SRPK1: variants seen among roughly 807,000 people sequenced by gnomAD.
SRPK1 encodes the protein SFRS protein kinase 1.
SRPK1 carries 52 observed loss-of-function variants against 89.5 expected under a neutral mutation model. The ratio of observed to expected loss-of-function variants is 0.58; its 90% CI spans 0.46 to 0.73. The LOEUF (loss-of-function observed/expected upper bound fraction) is 0.73. Among genes scored for constraint, SRPK1 ranks in the 30% least tolerant of loss-of-function variants. SRPK1 has a pLI of 0.00. For synonymous variants in SRPK1, 255 were observed against 270.2 expected (o/e 0.94, Z 0.55); for missense variants, 603 against 780.6 (o/e 0.77, Z 2.71).
chr6:35,856,497 T>G (rs1769669317), intron 13 of SRPK1, among the ~76,000 whole-genome samples: 1 of 152,166 alleles, frequency 6.6e-6, no homozygotes, highest in Admixed American at 6.6e-5. Flanking sequence ...ACCATGCTCT[T>G]AACCTATGAA....
At chr6:35,850,995 G>A (rs1212587527) in intron 13 of SRPK1, among the ~76,000 whole-genome samples, 1 of 152,086 alleles carries the variant, frequency 6.6e-6, no homozygotes, top group Non-Finnish European at 1.5e-5. Flanking sequence ...TTAAAACGGG[G>A]AAGTAATATG....
In SRPK1 at chr6:35,915,659, T is replaced by C. The variant is rs139337140; in HGVS notation, c.74+4809A>G. Among the ~76,000 whole-genome samples, 15 of 152,040 alleles carry C rather than the reference T, an allele frequency of 9.9e-5. No homozygotes were observed. In the East Asian group the frequency reaches 2.7e-3, roughly 28 times the overall value. The stretch of plus-strand genomic sequence containing the variant: ...GTTAACTAGGGAAAAGTATGCCCAG[T>C]GATTCCATTTTTGTCTTTAAAGGTA... On this transcript the variant is annotated intron_variant, in intron 2 of 15. Transcript: ENST00000373825.
intron 6 of SRPK1, among the ~76,000 whole-genome samples, chr6:35,880,244 G>C (rs1037547774): frequency 6.6e-6 from 1 of 151,948 alleles, no homozygotes; most frequent in African/African-American, 2.4e-5. Flanking sequence ...AAATTAACTA[G>C]AGGGATTCAA....
At chr6:35,887,952 G>A in intron 5 of SRPK1, 72 bp downstream of exon 5, 1 of 1,084,174 alleles carries the variant, frequency 9.2e-7, no homozygotes, top group Non-Finnish European at 1.3e-6. Context: ...GCCTCCACTT[G>A]GTGTGTTTTT....
intron 15 of SRPK1, among the ~76,000 whole-genome samples, chr6:35,836,524 G>C (rs896754173): frequency 6.6e-6 from 1 of 151,996 alleles, no homozygotes; most frequent in African/African-American, 2.4e-5. Context: ...AGGCTGAGTC[G>C]GGTGGATCAC....
rs1227349611 is a variant in SRPK1 at position 35,872,610 on chromosome 6, G to A, written c.704C>T (p.Ala235Val). Reference protein sequence around the residue: ...EQYIRRLAAEATEWQRSGAPP... With the variant: ...EQYIRRLAAEVTEWQRSGAPP... Reference sequence around the variant, plus strand: ...AGCTCCAGATCGCTGCCATTCTGTTGCTTCTGCAGCCAGCCTCCGAATGTA... The same window carrying A: ...AGCTCCAGATCGCTGCCATTCTGTTACTTCTGCAGCCAGCCTCCGAATGTA... The change falls in exon 8 of 16, where the codon GCA becomes GTA. Residue 235 changes from alanine (A) to valine (V), a missense_variant. By Grantham distance (64) the Ala-to-Val change is moderately conservative (BLOSUM62 0). Coordinates refer to ENST00000373825, the MANE Select transcript of SRPK1 (RefSeq NM_003137.5). The A allele has an allele frequency of 1.2e-6, 2 of 1,612,080 alleles. No homozygotes were observed. Among genetic ancestry groups the A allele is most frequent in the Non-Finnish European group, 1.7e-6 (2 of 1,179,152 alleles).
At chr6:35,891,970 C>T (rs1261491735) in intron 2 of SRPK1, among the ~76,000 whole-genome samples, 1 of 152,010 alleles carries the variant, frequency 6.6e-6, no homozygotes, top group African/African-American at 2.4e-5. Flanking sequence ...ATTTGGAAAA[C>T]ACTTGTTTCA....
intron 12 of SRPK1, among the ~76,000 whole-genome samples, chr6:35,864,740 C>A (rs990221984): frequency 6.6e-6 from 1 of 152,114 alleles, no homozygotes; most frequent in African/African-American, 2.4e-5. Flanking sequence ...GTCTGCACTC[C>A]GATGTTTGTT....
chr6:35,919,782 C>T (rs765838361), intron 2 of SRPK1, among the ~76,000 whole-genome samples: 16 of 152,200 alleles, frequency 1.1e-4, no homozygotes, highest in South Asian at 6.2e-4. Context: ...CCAGAATCAT[C>T]AATGTTTGTT....
chr6:35,872,548 T>C lies in SRPK1; in HGVS notation c.751+15A>G. 6.3e-7 allele frequency: 1 copy of C among 1,582,882 alleles called. No individual in the cohort carries two copies. The highest frequency in any genetic ancestry group is 8.6e-7 in the Non-Finnish European group (1 of 1,169,068). On this transcript the variant is annotated intron_variant, in intron 8 of 15. Coordinates refer to ENST00000373825, the MANE Select transcript of SRPK1 (RefSeq NM_003137.5). ...TAACTTCTAATGATAGCGAAGTCCCTAAAAGAAAATACACCTGCAGATCCG... is the reference window on the plus strand; with the variant it reads ...TAACTTCTAATGATAGCGAAGTCCCCAAAAGAAAATACACCTGCAGATCCG...
chr6:35,921,049 C>A lies in SRPK1; in HGVS notation c.8G>T (p.Arg3Leu). The A allele has an allele frequency of 6.5e-7, 1 of 1,545,548 alleles. No homozygotes were observed. The highest frequency in any genetic ancestry group is 8.7e-7 in the Non-Finnish European group (1 of 1,148,354). Reference sequence around the variant, plus strand: ...GAGGCCGCTCCACCGCTCACCTTTCCGCTCCATGGTGAGACCGGTAATCGC... The same window carrying A: ...GAGGCCGCTCCACCGCTCACCTTTCAGCTCCATGGTGAGACCGGTAATCGC... Reference protein sequence around the residue: MERKVLALQARKK... With the variant: MELKVLALQARKK... Residue 3 changes from arginine to leucine, a missense_variant, in exon 1 of 16, where the codon CGG (arginine) becomes CTG (leucine). Arg to Leu is a moderately radical substitution (Grantham distance 102, BLOSUM62 -2). Transcript: ENST00000373825.
rs1769684925 is a variant in SRPK1, at chr6:35,857,286, G to A, written c.1595C>T (p.Ala532Val). The A allele has an allele frequency of 6.2e-7, 1 of 1,612,890 alleles. No individual in the cohort carries two copies. Among genetic ancestry groups the A allele is most frequent in the South Asian group, 1.1e-5 (1 of 90,804 alleles). The change falls in exon 13 of 16, where the codon GCT becomes GTT. Residue 532 changes from alanine to valine, a missense_variant. Ala to Val is a moderately conservative substitution (Grantham distance 64). Transcript: ENST00000373825. ...VLIGSGYNTP[A>V]DIWSTACMAF... ...CATGCATGCCGTGCTCCAAATGTCA[G>A]CAGGGGTATTATAGCCAGATCCGAT... is the stretch of plus-strand genomic sequence containing the variant.
chr6:35,884,892 C>T (rs549213591), intron 6 of SRPK1, among the ~76,000 whole-genome samples: 101 of 151,956 alleles, frequency 6.6e-4, no homozygotes, highest in Non-Finnish European at 1.4e-3. Flanking sequence ...CCCAGCTACT[C>T]GGGAGGCTGA....
At chr6:35,873,732 T>G (rs1770092686) in intron 7 of SRPK1, among the ~76,000 whole-genome samples, 1 of 152,122 alleles carries the variant, frequency 6.6e-6, no homozygotes, top group Non-Finnish European at 1.5e-5. Context: ...TCAGGTGATC[T>G]GCCCGCCTCG....
intron 12 of SRPK1, among the ~76,000 whole-genome samples, chr6:35,861,988 C>T (rs1001095905): frequency 6.6e-6 from 1 of 152,196 alleles, no homozygotes; most frequent in African/African-American, 2.4e-5. Context: ...GACCAAGCTT[C>T]TCTAAGCACA....
intron 2 of SRPK1, chr6:35,904,755 A>G (rs1486535135): frequency 5.7e-6 from 1 of 175,848 alleles, no homozygotes; most frequent in African/African-American, 2.4e-5. Context: ...TGGTGAGCCG[A>G]GATCACACCA....
chr6:35,836,786 A>AT (rs1251216233), intron 15 of SRPK1, among the ~76,000 whole-genome samples: 1 of 134,160 alleles, frequency 7.5e-6, no homozygotes, highest in Non-Finnish European at 1.6e-5. Context: ...AATAATAATA[A>AT]TTTTTTTTAA....
In SRPK1 at chr6:35,921,057, G is replaced by T; in HGVS notation, c.-1C>A. ...TCCACCGCTCACCTTTCCGCTCCAT[G>T]GTGAGACCGGTAATCGCCAGGCGCC... On this transcript the variant is annotated 5_prime_UTR_variant, in exon 1 of 16. Transcript: ENST00000373825. 6.5e-7 allele frequency: 1 copy of T among 1,536,274 alleles called. No individual in the cohort carries two copies. The highest frequency in any genetic ancestry group is 8.7e-7 in the Non-Finnish European group (1 of 1,142,930).
chr6:35,847,688 A>G (rs1172270300), intron 13 of SRPK1, among the ~76,000 whole-genome samples: 1 of 151,102 alleles, frequency 6.6e-6, no homozygotes. Flanking sequence ...AATAGCTACA[A>G]AAAAAAAATA....
Sources: gnomAD v4.1 joint callset for allele counts (sites outside exome capture counted in the v4.1 genomes callset) on GRCh38, gnomAD v4.1.1 for gene constraint, MANE v1.5 for transcripts, NCBI Gene and HGNC (gene_info 2026-07-23, HGNC 2026-07-21) for gene names.